SETX: variants seen among roughly 807,000 people sequenced by gnomAD.
SETX encodes senataxin, also known as helicase senataxin.
In SETX, 90 loss-of-function variants were observed where a neutral mutation model predicts 227.2. The ratio of observed to expected loss-of-function variants is 0.40; its 90% CI spans 0.33 to 0.47. The LOEUF (loss-of-function observed/expected upper bound fraction) is 0.47. SETX is among the 20% of genes least tolerant of loss of function. The pLI is 0.91. For synonymous variants in SETX, 1,210 were observed against 1,113.2 expected (o/e 1.09, Z -1.73); for missense variants, 3,052 against 3,181.5 (o/e 0.96, Z 0.98).
intron 10 of SETX, among the ~76,000 whole-genome samples, chr9:132,316,308 T>G (rs1251293828): frequency 6.6e-6 from 1 of 152,248 alleles, no homozygotes; most frequent in East Asian, 1.9e-4. Context: ...TCCCTGTTTT[T>G]TGCTGTCGAT....
rs756867445 is a variant in SETX at position 132,328,893 on chromosome 9, A to G, written c.2705T>C (p.Met902Thr). The stretch of plus-strand genomic sequence containing the variant: ...TGATTTCTTCTCTGAAGCATTGGTC[A>G]TTTCTGTAAAAGGGATCAATTCTTT... ...DGKELIPFTE[M>T]TNASEKKSSP... The change falls in exon 10 of 26, where the codon ATG (methionine) becomes ACG (threonine). Residue 902 changes from methionine to threonine, a missense_variant. This residue lies in a region of SETX where 1,483 missense variants were observed against 1,312.0 expected (regional missense o/e 1.13). Coordinates refer to ENST00000224140, the MANE Select transcript of SETX (RefSeq NM_015046.7). The G allele has an allele frequency of 1.2e-6, 2 of 1,613,990 alleles. No individual in the cohort carries two copies. Among genetic ancestry groups the G allele is most frequent in the Admixed American group, 3.3e-5 (2 of 59,996 alleles).
At position 132,336,297 on chromosome 9, in the gene SETX, T is replaced by C. The variant is rs147125311; in HGVS notation, c.717A>G (p.Leu239=). The C allele has an allele frequency of 1.1e-4, 181 of 1,605,444 alleles. 1 individual carries two copies. The African/African-American group carries it at 2.0e-3, about 18-fold the overall frequency. The change falls in exon 6 of 26, where the codon TTA becomes TTG. Residue 239 remains leucine (L), a splice_region_variant and synonymous_variant. Coordinates refer to ENST00000224140, the MANE Select transcript of SETX (RefSeq NM_015046.7). The part of the protein sequence containing the change: ...YDTTNYKSYW[L]GICMLLTILE... ...TATTAGTGTAGGAATAATACTCACCTAACCAATAGCTTTTGTAGTTGGTAG... is the reference window on the plus strand; with the variant it reads ...TATTAGTGTAGGAATAATACTCACCCAACCAATAGCTTTTGTAGTTGGTAG...
Position 132,329,392 on chromosome 9 carries a change from A to T in SETX, c.2206T>A (p.Cys736Ser), listed in dbSNP as rs200966502. The T allele has an allele frequency of 6.2e-7, 1 of 1,613,924 alleles. No individual in the cohort carries two copies. Among genetic ancestry groups the T allele is most frequent in the Non-Finnish European group, 8.5e-7 (1 of 1,179,974 alleles). ...CTSRNGPERG[C>S]DRGIIVSTRL... ...GTTGATACTATTATTCCTCTGTCAC[A>T]TCCCCTTTCTGGACCATTTCTTGAA... is the stretch of plus-strand genomic sequence containing the variant. Residue 736 changes from cysteine (C) to serine (S), a missense_variant, in exon 10 of 26, where the codon TGT (cysteine) becomes AGT (serine). By Grantham distance (112) the Cys-to-Ser change is moderately radical. Transcript: ENST00000224140.
intron 3 of SETX, among the ~76,000 whole-genome samples, chr9:132,346,908 T>C (rs1012473510): frequency 1.3e-5 from 2 of 152,008 alleles, no homozygotes; most frequent in African/African-American, 4.8e-5. Flanking sequence ...TGAGCTATGA[T>C]TGTGCCACTG....
Position 132,264,398 on chromosome 9 carries a change from C to T in SETX, c.7875G>A (p.Pro2625=), listed in dbSNP as rs536241867. 8.3e-5 allele frequency: 134 copies of T among 1,613,982 alleles called. No individual in the cohort carries two copies. The highest frequency in any genetic ancestry group is 6.2e-4 in the Admixed American group (37 of 59,996). Reference sequence around the variant, plus strand: ...CTCTCCTGTGACAGAGCTCCTCTTCCGGGTCATCACATTTGCTCTGACACG... The same window carrying T: ...CTCTCCTGTGACAGAGCTCCTCTTCTGGGTCATCACATTTGCTCTGACACG... ...ASTCQSKCDD[P]EEELCHRREA... Residue 2625 remains proline (P), a synonymous_variant, in exon 26 of 26, where the codon CCG becomes CCA. Coordinates refer to ENST00000224140, the MANE Select transcript of SETX (RefSeq NM_015046.7).
intron 7 of SETX, among the ~76,000 whole-genome samples, chr9:132,333,481 A>G (rs1847397256): frequency 6.6e-6 from 1 of 150,792 alleles, no homozygotes; most frequent in South Asian, 2.1e-4. Flanking sequence ...AAAGAATAAC[A>G]TTAATATATT....
chr9:132,302,679 A>AG (rs1845077077), intron 11 of SETX, among the ~76,000 whole-genome samples: 1 of 116,734 alleles, frequency 8.6e-6, no homozygotes, highest in Non-Finnish European at 1.7e-5. Flanking sequence ...AAAAAAAAAA[A>AG]GCAAAAAAAA....
At chr9:132,307,915 G>A (rs1454021989) in intron 11 of SETX, among the ~76,000 whole-genome samples, 2 of 152,110 alleles carry the variant, frequency 1.3e-5, no homozygotes, top group African/African-American at 4.8e-5. Flanking sequence ...CTGACCTCAG[G>A]TGATCTGCCC....
intron 12 of SETX, 79 bp downstream of exon 12, chr9:132,300,551 T>C (rs1277063514): frequency 1.4e-6 from 2 of 1,436,420 alleles, no homozygotes; most frequent in Non-Finnish European, 2.0e-6. Flanking sequence ...CAAATACACT[T>C]GATATACACA....
At chr9:132,318,970 A>T (rs1190156834) in intron 10 of SETX, among the ~76,000 whole-genome samples, 1 of 152,156 alleles carries the variant, frequency 6.6e-6, no homozygotes, top group Non-Finnish European at 1.5e-5. Flanking sequence ...GTTTCTCACA[A>T]TATGTATCAG....
At chr9:132,283,476 A>G in intron 18 of SETX, 63 bp from the exon 19 acceptor site, 2 of 1,572,660 alleles carry the variant, frequency 1.3e-6, no homozygotes, top group South Asian at 1.1e-5. Context: ...TGACAGGCCT[A>G]TGTTTACTAT....
chr9:132,340,358 C>T (rs1385407990), intron 5 of SETX, among the ~76,000 whole-genome samples: 2 of 152,146 alleles, frequency 1.3e-5, no homozygotes, highest in Non-Finnish European at 2.9e-5. Flanking sequence ...GGACAAGTGT[C>T]CTAATATATC....
intron 11 of SETX, among the ~76,000 whole-genome samples, chr9:132,302,681 C>CAAAAAAAAAAAAAAAAAAAAAAAAAAAAA (rs57673567): frequency 1.3e-5 from 1 of 78,478 alleles, no homozygotes; most frequent in Admixed American, 1.6e-4. Context: ...AAAAAAAAAG[C>CAAAAAAAAAAAAAAAAAAAAAAAAAAAAA]AAAAAAAAAA....
chr9:132,280,518 G>A (rs916776200), intron 20 of SETX, among the ~76,000 whole-genome samples: 1 of 152,100 alleles, frequency 6.6e-6, no homozygotes, highest in Non-Finnish European at 1.5e-5. Flanking sequence ...GTGCTTCTGG[G>A]CCACACTCTA....
At chr9:132,308,650 T>C (rs1228734495) in intron 11 of SETX, among the ~76,000 whole-genome samples, 1 of 152,192 alleles carries the variant, frequency 6.6e-6, no homozygotes. Context: ...AGTCACTAAC[T>C]GAAGATGACA....
At chr9:132,297,961 T>C in intron 13 of SETX, 119 bp downstream of exon 13, 2 of 862,892 alleles carry the variant, frequency 2.3e-6, no homozygotes, top group South Asian at 1.5e-5. Context: ...AAACTAACAC[T>C]AAACTGTTCA....
In SETX at chr9:132,327,937, T is replaced by G; in HGVS notation, c.3661A>C (p.Lys1221Gln). The G allele has an allele frequency of 1.2e-6, 2 of 1,614,124 alleles. No individual in the cohort carries two copies. The highest frequency in any genetic ancestry group is 1.7e-6 in the Non-Finnish European group (2 of 1,180,024). The change falls in exon 10 of 26, where the codon AAG becomes CAG. Residue 1221 changes from lysine to glutamine, a missense_variant. By Grantham distance (53) the Lys-to-Gln change is moderately conservative. This residue lies in a region of SETX where 1,483 missense variants were observed against 1,312.0 expected (regional missense o/e 1.13). Coordinates refer to ENST00000224140, the MANE Select transcript of SETX (RefSeq NM_015046.7). ...CAAGTACAAAGCTTTGAAGACTTCTTTTGTGAAACCGTAGTGGCTCTCTGA... is the reference window on the plus strand; with the variant it reads ...CAAGTACAAAGCTTTGAAGACTTCTGTTGTGAAACCGTAGTGGCTCTCTGA... ...RIQRATTVSQ[K>Q]KSSKLCTCTE...
chr9:132,308,541 C>T (rs10123835), intron 11 of SETX, among the ~76,000 whole-genome samples: 38,037 of 152,038 alleles, frequency 0.25, 6,050 homozygotes, highest in East Asian at 0.67. Flanking sequence ...TATGAGATAA[C>T]TGAAAATTTG....
chr9:132,324,922 A>G (rs1846612007), intron 10 of SETX, among the ~76,000 whole-genome samples: 1 of 152,202 alleles, frequency 6.6e-6, no homozygotes, highest in African/African-American at 2.4e-5. Flanking sequence ...GCTTACACTA[A>G]AGAATTATTT....
Sources: gnomAD v4.1 joint callset for allele counts (sites outside exome capture counted in the v4.1 genomes callset) on GRCh38, gnomAD v4.1.1 for gene constraint, gnomAD v4.1.1 regional missense constraint, MANE v1.5 for transcripts, NCBI Gene and HGNC (gene_info 2026-07-23, HGNC 2026-07-21) for gene names.